The following CSMD1 variants were observed in gnomAD, a reference collection of about 807,000 sequenced individuals.
The protein encoded by CSMD1 is CUB and sushi domain-containing protein 1.
In CSMD1, 213 loss-of-function variants were observed where a neutral mutation model predicts 417.5. The ratio of observed to expected loss-of-function variants is 0.51; its 90% CI spans 0.46 to 0.57. The LOEUF (loss-of-function observed/expected upper bound fraction) is 0.57. CSMD1 is among the 20% of genes least tolerant of loss of function. The pLI is 0.00. For missense variants in CSMD1, 6,923 were observed against 4,529.7 expected (o/e 1.53, Z -15.17); for synonymous variants, 2,862 against 1,736.8 (o/e 1.65, Z -16.11).
chr8:3,024,657 A>G (rs1809717889), intron 51 of CSMD1, among the ~76,000 whole-genome samples: 2 of 152,174 alleles, frequency 1.3e-5, no homozygotes, highest in African/African-American at 4.8e-5. Flanking sequence ...TTGGGTGAGT[A>G]AAGTTTTAAA....
chr8:4,800,317 C>G (rs113973240), intron 1 of CSMD1, among the ~76,000 whole-genome samples: 9,813 of 151,602 alleles, frequency 0.065, 531 homozygotes, highest in East Asian at 0.24. Flanking sequence ...TGTAATCCCA[C>G]CTACTCGTGA....
intron 25 of CSMD1, among the ~76,000 whole-genome samples, chr8:3,301,996 T>C (rs1804446611): frequency 6.6e-6 from 1 of 152,158 alleles, no homozygotes; most frequent in Non-Finnish European, 1.5e-5. Flanking sequence ...AAGAATTCCA[T>C]GAGCTGTACA....
At chr8:3,166,679 G>A (rs1054715547) in intron 37 of CSMD1, among the ~76,000 whole-genome samples, 1 of 151,976 alleles carries the variant, frequency 6.6e-6, no homozygotes, top group African/African-American at 2.4e-5. Context: ...TAAATAATGG[G>A]CAAACCTATA....
intron 6 of CSMD1, among the ~76,000 whole-genome samples, chr8:3,735,114 A>G (rs921347627): frequency 6.6e-6 from 1 of 152,218 alleles, no homozygotes; most frequent in Non-Finnish European, 1.5e-5. Context: ...CATTTGCAAA[A>G]TAACTCTTTT....
At chr8:2,994,272 T>A (rs616476) in intron 54 of CSMD1, among the ~76,000 whole-genome samples, 27,921 of 151,826 alleles carry the variant, frequency 0.18, 4,974 homozygotes, top group African/African-American at 0.47. Flanking sequence ...TGTGTACTGA[T>A]TGCTGATGGT....
intron 10 of CSMD1, among the ~76,000 whole-genome samples, chr8:3,570,763 T>C (rs1326979809): frequency 1.3e-5 from 2 of 152,210 alleles, no homozygotes; most frequent in Admixed American, 1.3e-4. Context: ...TTCATTTATT[T>C]ATGGTGGAAA....
At chr8:3,633,681 T>G (rs1366957056) in intron 7 of CSMD1, among the ~76,000 whole-genome samples, 1 of 152,240 alleles carries the variant, frequency 6.6e-6, no homozygotes, top group Non-Finnish European at 1.5e-5. Context: ...ATAGTGTATA[T>G]AAATCTGAAA....
At chr8:3,935,199 A>G (rs1211687892) in intron 5 of CSMD1, among the ~76,000 whole-genome samples, 1 of 152,226 alleles carries the variant, frequency 6.6e-6, no homozygotes, top group Non-Finnish European at 1.5e-5. Flanking sequence ...CTTACTAATA[A>G]CAAAGCTCCA....
At chr8:3,347,082 A>G (rs1185306189) in intron 22 of CSMD1, among the ~76,000 whole-genome samples, 1 of 152,246 alleles carries the variant, frequency 6.6e-6, no homozygotes, top group Non-Finnish European at 1.5e-5. Context: ...TAAGCTTAAA[A>G]AAATCACAGA....
chr8:3,562,973 T>A (rs1799534568), intron 10 of CSMD1, among the ~76,000 whole-genome samples: 2 of 151,992 alleles, frequency 1.3e-5, no homozygotes, highest in Non-Finnish European at 2.9e-5. Flanking sequence ...TTGCATTCTA[T>A]TAGCCCAAAA....
At chr8:4,277,352 C>T (rs2407940) in intron 3 of CSMD1, among the ~76,000 whole-genome samples, 79,229 of 151,896 alleles carry the variant, frequency 0.52, 21,361 homozygotes, top group East Asian at 0.91. Context: ...CCTTTCACTC[C>T]TCTTTCGTGC....
chr8:3,327,562 C>A (rs74714013), intron 23 of CSMD1, among the ~76,000 whole-genome samples: 7,250 of 152,228 alleles, frequency 0.048, 410 homozygotes, highest in East Asian at 0.25. Flanking sequence ...TCTTTCTCCA[C>A]AACTGAATGT....
At chr8:3,505,165 G>C (rs746905396) in intron 10 of CSMD1, among the ~76,000 whole-genome samples, 1 of 152,150 alleles carries the variant, frequency 6.6e-6, no homozygotes, top group Non-Finnish European at 1.5e-5. Context: ...GTATGAAAGA[G>C]GGTAGAGTAA....
intron 3 of CSMD1, among the ~76,000 whole-genome samples, chr8:4,145,587 C>T (rs1804062530): frequency 6.6e-6 from 1 of 150,916 alleles, no homozygotes; most frequent in African/African-American, 2.5e-5. Flanking sequence ...GACGGTCTCA[C>T]CATGTTGCAT....
At chr8:3,915,765 G>C (rs1473554186) in intron 5 of CSMD1, among the ~76,000 whole-genome samples, 1 of 148,746 alleles carries the variant, frequency 6.7e-6, no homozygotes, top group East Asian at 2.0e-4. Flanking sequence ...GCTTTCCATT[G>C]CATCTGTTCC....
intron 3 of CSMD1, among the ~76,000 whole-genome samples, chr8:4,212,119 T>C (rs192317751): frequency 5.5e-4 from 83 of 151,720 alleles, no homozygotes; most frequent in Non-Finnish European, 8.5e-4. Flanking sequence ...TCAAAGACCA[T>C]GTAGGAGAAG....
chr8:3,876,405 G>T (rs1034625710), intron 5 of CSMD1, among the ~76,000 whole-genome samples: 3 of 152,248 alleles, frequency 2.0e-5, no homozygotes, highest in African/African-American at 7.2e-5. Flanking sequence ...TATTTCTAAA[G>T]AATTCTGCAC....
rs555795584 is a variant in CSMD1 at position 3,709,498 on chromosome 8, C to T, written c.932-1007G>A. On this transcript the variant is annotated intron_variant, in intron 6 of 69. Transcript: ENST00000635120. ...GGGCCAGAGGAGATTCTGGGGGTGT[C>T]TGTGAGAATGTCATGGATGATATTA... Among the ~76,000 whole-genome samples the T allele has an allele frequency of 1.8e-4, 27 of 152,000 alleles. No individual in the cohort carries two copies. In the East Asian group the frequency reaches 4.3e-3, roughly 24 times the overall value.
At chr8:4,632,918 G>C (rs968915932) in intron 2 of CSMD1, among the ~76,000 whole-genome samples, 7 of 152,222 alleles carry the variant, frequency 4.6e-5, no homozygotes, top group African/African-American at 1.2e-4. Context: ...CCACAGATCT[G>C]TGCAACTGAA....
Sources: allele counts gnomAD v4.1 joint callset (sites outside exome capture counted in the v4.1 genomes callset), GRCh38; gene constraint gnomAD v4.1.1; transcripts MANE v1.5; gene names NCBI Gene and HGNC (gene_info 2026-07-23, HGNC 2026-07-21).